Variants in PBX3 observed in about 807,000 individuals in gnomAD.
The protein encoded by PBX3 is PBX homeobox 3.
PBX3 carries 14 observed loss-of-function variants against 48.5 expected under a neutral mutation model. The observed-to-expected ratio is 0.29, with a 90% confidence interval of 0.19 to 0.45. The LOEUF (loss-of-function observed/expected upper bound fraction) is 0.45, where lower values mean the gene tolerates loss of function less well. PBX3 is among the 20% of genes least tolerant of loss of function. The pLI is 1.00. For missense variants in PBX3, 386 were observed against 546.7 expected, an observed-to-expected ratio of 0.71 and a Z score of 2.93; for synonymous variants, 210 against 200.3, an observed-to-expected ratio of 1.05 and a Z score of -0.41.
chr9:125,895,177 G>A (rs1052319073), intron 2 of PBX3, among the ~76,000 whole-genome samples: 3 of 151,996 alleles, frequency 2.0e-5, no homozygotes, highest in Admixed American at 2.0e-4. Context: ...TGTGACCTTT[G>A]GGGCTTACAG....
intron 2 of PBX3, among the ~76,000 whole-genome samples, chr9:125,889,966 G>C (rs974185801): frequency 2.6e-5 from 4 of 151,772 alleles, no homozygotes; most frequent in Non-Finnish European, 5.9e-5. Flanking sequence ...GCGCCCCGCT[G>C]TAGCAGCTGA....
chr9:125,952,084 A>G (rs1842207217), intron 5 of PBX3, among the ~76,000 whole-genome samples: 1 of 152,266 alleles, frequency 6.6e-6, no homozygotes, highest in South Asian at 2.1e-4. Flanking sequence ...CCATGTAAAT[A>G]TGCTGCCATG....
chr9:125,838,768 A>G (rs1161801603), intron 2 of PBX3, among the ~76,000 whole-genome samples: 1 of 152,246 alleles, frequency 6.6e-6, no homozygotes, highest in East Asian at 1.9e-4. Context: ...TAGAGAGAAC[A>G]AAGGCCAGGA....
chr9:125,905,367 T>A (rs1265336959), intron 2 of PBX3, among the ~76,000 whole-genome samples: 1 of 152,044 alleles, frequency 6.6e-6, no homozygotes, highest in Non-Finnish European at 1.5e-5. Context: ...TTAATTGTTC[T>A]AATGAGGAAT....
intron 2 of PBX3, among the ~76,000 whole-genome samples, chr9:125,888,110 C>T (rs75280976): frequency 0.035 from 5,399 of 152,094 alleles, 335 homozygotes; most frequent in African/African-American, 0.12. Flanking sequence ...TGCATTTAGA[C>T]GTAAAAGAAA....
intron 2 of PBX3, among the ~76,000 whole-genome samples, chr9:125,888,927 T>A (rs982093691): frequency 3.3e-5 from 5 of 152,168 alleles, no homozygotes; most frequent in African/African-American, 9.7e-5. Flanking sequence ...TTCTGGATGA[T>A]TATGAGTATG....
chr9:125,913,862 A>G (rs922349181), intron 2 of PBX3, among the ~76,000 whole-genome samples: 7 of 152,214 alleles, frequency 4.6e-5, no homozygotes, highest in African/African-American at 1.7e-4. Context: ...AAAATGGAGA[A>G]ACTTGAGAAG....
At chr9:125,821,418 TGAAA>T (rs915919403) in intron 2 of PBX3, among the ~76,000 whole-genome samples, 19 of 152,158 alleles carry the variant, frequency 1.2e-4, no homozygotes, top group African/African-American at 4.1e-4. Context: ...GGACTTTAGT[TGAAA>T]GAAAGAATCT....
chr9:125,925,331 C>G (rs185279896), intron 3 of PBX3, among the ~76,000 whole-genome samples: 13 of 152,286 alleles, frequency 8.5e-5, no homozygotes, highest in Admixed American at 8.5e-4. Flanking sequence ...CTAATGAGCA[C>G]TTGAAGTCTG....
chr9:125,858,323 C>T (rs1043431255), intron 2 of PBX3, among the ~76,000 whole-genome samples: 2 of 152,304 alleles, frequency 1.3e-5, no homozygotes, highest in East Asian at 3.9e-4. Context: ...CATTATACCT[C>T]TCGTTTGTAT....
chr9:125,751,619 CATT>C (rs925504710), intron 2 of PBX3, among the ~76,000 whole-genome samples: 15 of 152,156 alleles, frequency 9.9e-5, no homozygotes, highest in Non-Finnish European at 1.8e-4. Flanking sequence ...AAATGTCTCT[CATT>C]GTTGAATTGT....
intron 5 of PBX3, among the ~76,000 whole-genome samples, chr9:125,951,331 T>C (rs1187607788): frequency 6.6e-6 from 1 of 152,134 alleles, no homozygotes; most frequent in African/African-American, 2.4e-5. Flanking sequence ...AGACAGGCGC[T>C]CTTGGTCTTC....
At chr9:125,817,894 A>G (rs892581874) in intron 2 of PBX3, among the ~76,000 whole-genome samples, 1 of 152,222 alleles carries the variant, frequency 6.6e-6, no homozygotes, top group African/African-American at 2.4e-5. Context: ...GACCATTCAC[A>G]AAGTATATTA....
At chr9:125,750,013 A>G (rs1836327247) in intron 2 of PBX3, among the ~76,000 whole-genome samples, 1 of 152,178 alleles carries the variant, frequency 6.6e-6, no homozygotes, top group Non-Finnish European at 1.5e-5. Context: ...ACCTTTAGAA[A>G]GCGTTTTGAT....
chr9:125,933,243 C>T (rs1564179674), intron 4 of PBX3, among the ~76,000 whole-genome samples: 1 of 152,204 alleles, frequency 6.6e-6, no homozygotes, highest in Non-Finnish European at 1.5e-5. Context: ...CTTGCTCACT[C>T]TGACTTCCCA....
At chr9:125,776,645 C>G (rs1410358282) in intron 2 of PBX3, among the ~76,000 whole-genome samples, 1 of 152,108 alleles carries the variant, frequency 6.6e-6, no homozygotes, top group Non-Finnish European at 1.5e-5. Context: ...AAGTGGTTCT[C>G]CCACCTCAGC....
chr9:125,747,563 C>T lies in PBX3; in HGVS notation c.110C>T (p.Ala37Val), dbSNP rs1472116570. ...CCTCCCCCGCACGGCCACGAAGGGG[C>T]GGACGGCGACGGCAGGAAGCAGGAC... ...LPPPPHGHEG[A>V]DGDGRKQDIG... The change falls in exon 1 of 9, where the codon GCG becomes GTG. Residue 37 changes from alanine to valine, a missense_variant. Transcript: ENST00000373489. 2.5e-6 allele frequency: 4 copies of T among 1,606,000 alleles called. No homozygotes were observed. The highest frequency in any genetic ancestry group is 3.4e-6 in the Non-Finnish European group (4 of 1,176,550).
At chr9:125,749,022 TAGAC>T (rs575801633) in intron 2 of PBX3, 16 of 193,572 alleles carry the variant, frequency 8.3e-5, no homozygotes, top group Non-Finnish European at 1.3e-4. Flanking sequence ...TTGTTTTACT[TAGAC>T]AGTCTTAAGC....
intron 2 of PBX3, among the ~76,000 whole-genome samples, chr9:125,873,251 T>C (rs1291538700): frequency 6.6e-6 from 1 of 151,752 alleles, no homozygotes; most frequent in Non-Finnish European, 1.5e-5. Context: ...AGATTCCTAA[T>C]TGTGGGGAGA....
Sources: gnomAD v4.1 joint callset for allele counts (sites outside exome capture counted in the v4.1 genomes callset) on GRCh38, gnomAD v4.1.1 for gene constraint, MANE v1.5 for transcripts, NCBI Gene and HGNC (gene_info 2026-07-23, HGNC 2026-07-21) for gene names.